LAMA4: variants seen among roughly 807,000 people sequenced by gnomAD.
LAMA4 encodes the protein laminin subunit alpha-4.
Under a neutral mutation model 207.1 loss-of-function variants are expected in LAMA4, and 127 were observed. That is an observed-to-expected ratio of 0.61 (90% confidence interval 0.53 to 0.71). The LOEUF is 0.71. Ranked by LOEUF, LAMA4 falls within the 30% of genes least tolerant of loss-of-function variation. The pLI is 0.00. For missense variants in LAMA4, 2,093 were observed against 2,246.5 expected (o/e 0.93, Z 1.38); for synonymous variants, 761 against 816.0 (o/e 0.93, Z 1.15).
intron 18 of LAMA4, among the ~76,000 whole-genome samples, chr6:112,145,710 C>T (rs1779984748): frequency 1.3e-5 from 2 of 152,152 alleles, no homozygotes; most frequent in South Asian, 4.1e-4. Flanking sequence ...TTGGCATAGT[C>T]GTGGACCTAA....
intron 5 of LAMA4, among the ~76,000 whole-genome samples, chr6:112,195,211 G>A (rs1783341379): frequency 6.6e-6 from 1 of 152,010 alleles, no homozygotes; most frequent in South Asian, 2.1e-4. Context: ...CTCTGTAGCT[G>A]TCTTTGGGAT....
chr6:112,129,754 C>A, intron 30 of LAMA4, 122 bp downstream of exon 30: 1 of 816,150 alleles, frequency 1.2e-6, no homozygotes, highest in South Asian at 1.8e-5. Flanking sequence ...CACATAAAAG[C>A]TTTTAATTAC....
Position 112,254,288 on chromosome 6 carries a change from G to A in LAMA4, c.-138C>T, listed in dbSNP as rs1787704412. The A allele has an allele frequency of 3.9e-6, 4 of 1,037,280 alleles. No homozygotes were observed. The highest frequency in any genetic ancestry group is 3.2e-5 in the African/African-American group (2 of 63,444). The allele number at this position is 1,037,280 out of a possible 1,614,324, so 64.3% of individuals were successfully genotyped here. A position where few individuals can be genotyped will look rare whatever the true frequency, so the allele number is the denominator to read the frequency against. ...GTATCCCGAGGTGGCTGCGCAACCA[G>A]CAGCTTAGGAAATAAAGGGAAAGTG... On this transcript the variant is annotated 5_prime_UTR_variant, in exon 2 of 39. Coordinates refer to ENST00000230538, the MANE Select transcript of LAMA4 (RefSeq NM_001105206.3).
intron 18 of LAMA4, among the ~76,000 whole-genome samples, chr6:112,146,331 G>C (rs1254183687): frequency 1.3e-5 from 2 of 151,654 alleles, no homozygotes; most frequent in African/African-American, 2.4e-5. Context: ...AGCTTGATGA[G>C]AGAAACTCAA....
At chr6:112,141,002 C>G (rs868912375) in intron 21 of LAMA4, 80 bp from the exon 22 acceptor site, 2 of 1,264,024 alleles carry the variant, frequency 1.6e-6, no homozygotes, top group Admixed American at 3.4e-5. Context: ...TTAATGCTCC[C>G]TCATCACAAA....
chr6:112,248,489 ACT>A (rs1247115758), intron 2 of LAMA4, among the ~76,000 whole-genome samples: 3 of 126,878 alleles, frequency 2.4e-5, no homozygotes, highest in African/African-American at 6.4e-5. Context: ...ACAGAGGGAG[ACT>A]CTGTCTCAAA....
chr6:112,178,917 T>C (rs1782184317), intron 9 of LAMA4: 1 of 152,366 alleles, frequency 6.6e-6, no homozygotes, highest in Admixed American at 6.5e-5. Context: ...AAGAGAAAAT[T>C]GTTGAAAAAA....
chr6:112,254,351 C>G, intron 1 of LAMA4, 60 bp from the exon 2 acceptor site: 1 of 631,456 alleles, frequency 1.6e-6, no homozygotes, highest in East Asian at 2.8e-5. Flanking sequence ...CTCTCCCTCT[C>G]TCTCTCTCCC....
At chr6:112,234,207 A>G (rs1785739904) in intron 2 of LAMA4, 1 of 152,134 alleles carries the variant, frequency 6.6e-6, no homozygotes, top group Non-Finnish European at 1.5e-5. Flanking sequence ...ACCCAAAATG[A>G]GCTAAGCAAG....
At chr6:112,205,832 G>A (rs1784027505) in intron 4 of LAMA4, among the ~76,000 whole-genome samples, 1 of 152,048 alleles carries the variant, frequency 6.6e-6, no homozygotes, top group South Asian at 2.1e-4. Context: ...AGGAGAGGCT[G>A]GAGATTGAGT....
At chr6:112,197,404 T>G (rs1459429515) in intron 5 of LAMA4, among the ~76,000 whole-genome samples, 2 of 152,218 alleles carry the variant, frequency 1.3e-5, no homozygotes, top group Non-Finnish European at 2.9e-5. Flanking sequence ...AAACATGTTT[T>G]ATGTTTTAGA....
intron 6 of LAMA4, 31 bp downstream of exon 6, chr6:112,191,605 G>A: frequency 6.6e-7 from 1 of 1,513,148 alleles, no homozygotes; most frequent in Non-Finnish European, 9.2e-7. Flanking sequence ...ATGCTGGCCA[G>A]GCAGCTGGCT....
intron 18 of LAMA4, among the ~76,000 whole-genome samples, chr6:112,147,232 T>A (rs1554334717): frequency 6.6e-6 from 1 of 152,218 alleles, no homozygotes; most frequent in East Asian, 1.9e-4. Flanking sequence ...TTGAATTTCA[T>A]ATAGGCAAAT....
intron 16 of LAMA4, among the ~76,000 whole-genome samples, chr6:112,153,112 A>G (rs1780495154): frequency 6.6e-6 from 1 of 152,098 alleles, no homozygotes. Flanking sequence ...TAGAAGATTC[A>G]TTTAAATAGC....
At chr6:112,192,811 GT>G in intron 5 of LAMA4, among the ~76,000 whole-genome samples, 1 of 152,380 alleles carries the variant, frequency 6.6e-6, no homozygotes, top group East Asian at 1.9e-4. Context: ...CCTGCTGTGA[GT>G]GGTGGGCCTG....
At chr6:112,190,877 TTCTTTCTTTC>T (rs1355542465) in intron 6 of LAMA4, among the ~76,000 whole-genome samples, 18 of 42,180 alleles carry the variant, frequency 4.3e-4, no homozygotes, top group African/African-American at 1.4e-3. Context: ...TTCTTTTTCT[TTCTTTCTTTC>T]TTTCTTTCTT....
intron 5 of LAMA4, among the ~76,000 whole-genome samples, chr6:112,195,703 T>C (rs1261229877): frequency 6.6e-6 from 1 of 152,184 alleles, no homozygotes; most frequent in African/African-American, 2.4e-5. Context: ...CATGTAGTCT[T>C]AGCATGTTTC....
At chr6:112,160,551 A>G (rs1780994397) in intron 13 of LAMA4, among the ~76,000 whole-genome samples, 1 of 152,208 alleles carries the variant, frequency 6.6e-6, no homozygotes, top group Non-Finnish European at 1.5e-5. Flanking sequence ...TTTCTTGCCA[A>G]GATCACCAAC....
intron 10 of LAMA4, among the ~76,000 whole-genome samples, chr6:112,176,615 T>C (rs1782039213): frequency 6.6e-6 from 1 of 152,230 alleles, no homozygotes; most frequent in Non-Finnish European, 1.5e-5. Context: ...TCTAAAATAT[T>C]AACCTGCGAA....
Sources: gnomAD v4.1 joint callset for allele counts (sites outside exome capture counted in the v4.1 genomes callset) on GRCh38, gnomAD v4.1.1 for gene constraint, MANE v1.5 for transcripts, NCBI Gene and HGNC (gene_info 2026-07-23, HGNC 2026-07-21) for gene names.